RTL4: variants seen among roughly 807,000 people sequenced by gnomAD.
The protein encoded by RTL4 is retrotransposon Gag like 4, also known as retrotransposon Gag-like protein 4.
In RTL4, 4 loss-of-function variants were observed where a neutral mutation model predicts 5.3. The ratio of observed to expected loss-of-function variants is 0.75; its 90% CI spans 0.37 to 1.72. The LOEUF (loss-of-function observed/expected upper bound fraction) is 1.72, where lower values mean the gene tolerates loss of function less well. Among genes scored for constraint, RTL4 ranks in the 40% most tolerant of loss-of-function variants. The pLI is 0.04. For synonymous variants in RTL4, 98 were observed against 87.3 expected, an observed-to-expected ratio of 1.12 and a Z score of -0.68; for missense variants, 260 against 227.1, an observed-to-expected ratio of 1.14 and a Z score of -0.93.
chrX:112,163,399 C>T, the RTL4 span, among the ~76,000 whole-genome samples: 1 of 111,449 alleles, frequency 9.0e-6, no homozygotes, highest in Admixed American at 9.6e-5. Flanking sequence ...TTGTGGTATT[C>T]ACATCTGATC....
the RTL4 span, among the ~76,000 whole-genome samples, chrX:112,131,078 C>T: frequency 4.7e-4 from 52 of 109,509 alleles, no homozygotes; most frequent in African/African-American, 1.6e-3. Context: ...GGATTACAGG[C>T]GTGAGCCACT....
the RTL4 span, among the ~76,000 whole-genome samples, chrX:112,422,083 G>T: frequency 3.6e-5 from 4 of 112,071 alleles, no homozygotes; most frequent in African/African-American, 1.3e-4. Context: ...AACAATATTT[G>T]TATAAGGTTT....
chrX:112,318,224 C>T, the RTL4 span, among the ~76,000 whole-genome samples: 1 of 111,688 alleles, frequency 9.0e-6, no homozygotes, highest in African/African-American at 3.3e-5. Context: ...ATGGAACTTG[C>T]TCTTTTGCCT....
the RTL4 span, among the ~76,000 whole-genome samples, chrX:112,204,386 G>T: frequency 8.9e-6 from 1 of 112,101 alleles, no homozygotes; most frequent in Non-Finnish European, 1.9e-5. Flanking sequence ...TTGCAGCACT[G>T]TTCACAATAG....
At chrX:112,383,829 T>C in the RTL4 span, among the ~76,000 whole-genome samples, 6 of 111,317 alleles carry the variant, frequency 5.4e-5, no homozygotes, top group South Asian at 7.5e-4. Flanking sequence ...ACAATAGACA[T>C]AGAGGGATAC....
chrX:112,165,916 A>C, the RTL4 span, among the ~76,000 whole-genome samples: 1 of 112,416 alleles, frequency 8.9e-6, no homozygotes, highest in African/African-American at 3.2e-5. Flanking sequence ...GGAGAATGTA[A>C]TCATTAGAAA....
At chrX:112,326,278 G>A in the RTL4 span, among the ~76,000 whole-genome samples, 11 of 111,572 alleles carry the variant, frequency 9.9e-5, no homozygotes, top group South Asian at 1.5e-3. Context: ...GACAGTGGGC[G>A]CAGGTCAGTG....
the RTL4 span, among the ~76,000 whole-genome samples, chrX:112,441,905 G>GT: frequency 8.9e-6 from 1 of 111,977 alleles, no homozygotes; most frequent in African/African-American, 3.2e-5. Flanking sequence ...AAAACAAGAG[G>GT]TGGTATATCC....
At chrX:112,315,371 AG>A in the RTL4 span, among the ~76,000 whole-genome samples, 1 of 111,192 alleles carries the variant, frequency 9.0e-6, no homozygotes, top group Non-Finnish European at 1.9e-5. Flanking sequence ...AAATAGCTCC[AG>A]GGGAAGAACT....
chrX:112,427,612 T>C, the RTL4 span, among the ~76,000 whole-genome samples: 1 of 111,215 alleles, frequency 9.0e-6, no homozygotes, highest in Non-Finnish European at 1.9e-5. Flanking sequence ...TTTCTCCTAC[T>C]TTGGATTTTT....
the RTL4 span, among the ~76,000 whole-genome samples, chrX:112,159,830 A>G: frequency 9.0e-6 from 1 of 110,635 alleles, no homozygotes. Flanking sequence ...CATTCTCTGT[A>G]GCAGCCCCTA....
At chrX:112,227,609 G>A in the RTL4 span, among the ~76,000 whole-genome samples, 1 of 111,777 alleles carries the variant, frequency 8.9e-6, no homozygotes, top group African/African-American at 3.3e-5. Flanking sequence ...TTTAAGCTAA[G>A]GCATTATCGA....
chrX:112,114,247 A>C, the RTL4 span, among the ~76,000 whole-genome samples: 1 of 111,378 alleles, frequency 9.0e-6, no homozygotes, highest in African/African-American at 3.3e-5. Context: ...GCAGGTGTTT[A>C]TGACTCCAGT....
the RTL4 span, among the ~76,000 whole-genome samples, chrX:112,141,449 C>A: frequency 8.9e-6 from 1 of 111,739 alleles, no homozygotes; most frequent in East Asian, 2.8e-4. Flanking sequence ...TCCTCTGGCA[C>A]AATGTTTCCT....
At chrX:112,146,099 T>C in the RTL4 span, among the ~76,000 whole-genome samples, 1 of 111,757 alleles carries the variant, frequency 8.9e-6, no homozygotes, top group African/African-American at 3.3e-5. Flanking sequence ...GGAGATCAGA[T>C]TGGAGGCTGT....
At chrX:112,142,742 T>G in the RTL4 span, among the ~76,000 whole-genome samples, 1 of 112,521 alleles carries the variant, frequency 8.9e-6, no homozygotes, top group South Asian at 3.7e-4. Flanking sequence ...GCAGTATTTC[T>G]TGTTTAAGCT....
the RTL4 span, among the ~76,000 whole-genome samples, chrX:112,425,094 C>T: frequency 9.0e-6 from 1 of 111,489 alleles, no homozygotes; most frequent in African/African-American, 3.3e-5. Flanking sequence ...TCATCCCTCC[C>T]TTTCCTCTAG....
At chrX:112,263,088 A>T in the RTL4 span, among the ~76,000 whole-genome samples, 1 of 105,272 alleles carries the variant, frequency 9.5e-6, no homozygotes, top group African/African-American at 3.5e-5. Context: ...TAGCATTAGG[A>T]GATATACCTA....
At chrX:112,287,641 A>G in the RTL4 span, among the ~76,000 whole-genome samples, 1 of 111,664 alleles carries the variant, frequency 9.0e-6, no homozygotes, top group Non-Finnish European at 1.9e-5. Context: ...TATGCATGGT[A>G]TAAGTGGACA....
Sources: gnomAD v4.1 joint callset for allele counts (sites outside exome capture counted in the v4.1 genomes callset) on GRCh38, gnomAD v4.1.1 for gene constraint, MANE v1.5 for transcripts, NCBI Gene and HGNC (gene_info 2026-07-23, HGNC 2026-07-21) for gene names.